The following CCAR1 variants were observed in gnomAD, a reference collection of about 807,000 sequenced individuals.
CCAR1 encodes cell division cycle and apoptosis regulator 1.
A neutral mutation model predicts 163.8 loss-of-function variants in CCAR1; 78 were observed. The observed-to-expected ratio is 0.48, with a 90% CI of 0.40 to 0.57. The LOEUF (loss-of-function observed/expected upper bound fraction) is 0.57. Ranked by LOEUF, CCAR1 falls within the 20% of genes least tolerant of loss-of-function variation. The probability of loss-of-function intolerance (pLI) is 0.00; values close to 1 mark genes in which losing one functional copy is unlikely to be tolerated. For synonymous variants in CCAR1, 443 were observed against 460.7 expected (o/e 0.96, Z 0.49); for missense variants, 1,019 against 1,365.2 (o/e 0.75, Z 4.00).
At chr10:68,723,853 G>A (rs369234887) in intron 2 of CCAR1, among the ~76,000 whole-genome samples, 40 of 143,208 alleles carry the variant, frequency 2.8e-4, no homozygotes, top group Non-Finnish European at 3.6e-4. Context: ...ATCTCAAAAA[G>A]AAAAAAAAAA....
chr10:68,775,687 CTTTTTTTTTTTT>C (rs71028782), intron 19 of CCAR1, among the ~76,000 whole-genome samples: 593 of 51,788 alleles, frequency 0.011, 10 homozygotes, highest in African/African-American at 0.047. Context: ...TTTTTCTTTT[CTTTTTTTTTTTT>C]TTTTTTTTTT....
At chr10:68,738,343 G>A (rs1285639968) in intron 4 of CCAR1, among the ~76,000 whole-genome samples, 7 of 152,060 alleles carry the variant, frequency 4.6e-5, no homozygotes, top group Non-Finnish European at 8.8e-5. Flanking sequence ...CAGGAGAATC[G>A]CTTGAACTCA....
At chr10:68,734,662 C>T (rs764512768) in intron 2 of CCAR1, among the ~76,000 whole-genome samples, 2 of 152,064 alleles carry the variant, frequency 1.3e-5, no homozygotes, top group Non-Finnish European at 2.9e-5. Context: ...AATTACTTAA[C>T]GCAGTTACGT....
chr10:68,741,272 C>A (rs2056180622), intron 5 of CCAR1, among the ~76,000 whole-genome samples: 1 of 152,020 alleles, frequency 6.6e-6, no homozygotes, highest in African/African-American at 2.4e-5. Context: ...TTTTTGTAGT[C>A]TTTTTCTTTT....
chr10:68,723,866 AG>A (rs1401375374), intron 2 of CCAR1, among the ~76,000 whole-genome samples: 22 of 126,838 alleles, frequency 1.7e-4, no homozygotes, highest in African/African-American at 5.6e-4. Flanking sequence ...AAAAAAAAAA[AG>A]GTAAATTTAG....
intron 16 of CCAR1, among the ~76,000 whole-genome samples, chr10:68,763,425 A>G (rs2056499079): frequency 6.6e-6 from 1 of 151,158 alleles, no homozygotes; most frequent in Admixed American, 6.6e-5. Context: ...CTGGTATTAC[A>G]GGCTGGTATT....
chr10:68,776,536 A>G (rs907512486), intron 19 of CCAR1, among the ~76,000 whole-genome samples: 15 of 152,304 alleles, frequency 9.8e-5, no homozygotes, highest in Non-Finnish European at 1.6e-4. Flanking sequence ...ATTGCACTCC[A>G]GCCTGGGCAG....
At chr10:68,755,624 AT>A (rs2056389843) in intron 13 of CCAR1, 88 bp downstream of exon 13, 2 of 1,156,404 alleles carry the variant, frequency 1.7e-6, no homozygotes, top group Non-Finnish European at 1.2e-6. Flanking sequence ...CCCCCGGCTT[AT>A]TTTAGCAACC....
chr10:68,786,436 AATATCT>A (rs1365489135), intron 20 of CCAR1, 104 bp from the exon 21 acceptor site: 1 of 807,268 alleles, frequency 1.2e-6, no homozygotes, highest in Non-Finnish European at 1.9e-6. Context: ...GGATGAGGCA[AATATCT>A]TATTAGATTA....
Position 68,749,282 on chromosome 10 carries a change from G to A in CCAR1, c.956+17G>A. 6.3e-7 allele frequency: 1 copy of A among 1,596,476 alleles called. No homozygotes were observed. Among genetic ancestry groups the A allele is most frequent in the Non-Finnish European group, 8.5e-7 (1 of 1,173,160 alleles). On this transcript the variant is annotated intron_variant, in intron 9 of 24. Transcript: ENST00000265872. The stretch of plus-strand genomic sequence containing the variant: ...TGATCGAAGGTATATTTTCTAAAGT[G>A]TACTGTGGATGGTGGCAATGGTTGT...
At chr10:68,740,572 A>G (rs1192063942) in intron 4 of CCAR1, 57 bp from the exon 5 acceptor site, 38 of 1,348,146 alleles carry the variant, frequency 2.8e-5, no homozygotes, top group Non-Finnish European at 3.9e-5. Flanking sequence ...TGAAGCATCT[A>G]TGAAGCAACA....
At chr10:68,737,493 G>T in intron 3 of CCAR1, among the ~76,000 whole-genome samples, 1 of 129,072 alleles carries the variant, frequency 7.7e-6, no homozygotes. Flanking sequence ...GCAAAACCCT[G>T]TGTCCAAAAA....
At chr10:68,725,000 TG>T (rs1311253594) in intron 2 of CCAR1, among the ~76,000 whole-genome samples, 1 of 151,946 alleles carries the variant, frequency 6.6e-6, no homozygotes, top group Non-Finnish European at 1.5e-5. Flanking sequence ...TAGCCTGGCG[TG>T]GTGGCACGTG....
rs2056600967 is a variant in CCAR1, at chr10:68,771,436, T to C, written c.2529T>C (p.Asp843=). ...ATAAAGATAAAAAAGAAGATAGAGA[T>C]GAAAGGAAGGTCTGTAATAACAACC... is the stretch of plus-strand genomic sequence containing the variant. ...GDDKDKKEDR[D]ERKKEDKRKD... is the part of the protein sequence containing the mutation. The change falls in exon 18 of 25, where the codon GAT becomes GAC. Residue 843 remains aspartate (D), a synonymous_variant. Transcript: ENST00000265872. 6.3e-7 allele frequency: 1 copy of C among 1,582,548 alleles called. No homozygotes were observed. The highest frequency in any genetic ancestry group is 8.6e-7 in the Non-Finnish European group (1 of 1,169,098).
chr10:68,729,786 A>G (rs1432236732), intron 2 of CCAR1, among the ~76,000 whole-genome samples: 2 of 151,766 alleles, frequency 1.3e-5, no homozygotes, highest in African/African-American at 4.8e-5. Context: ...TCTTTTTTAT[A>G]GTGGGGTCTT....
intron 6 of CCAR1, among the ~76,000 whole-genome samples, chr10:68,744,877 T>C (rs2056231614): frequency 6.6e-6 from 1 of 151,800 alleles, no homozygotes; most frequent in Admixed American, 6.6e-5. Context: ...TCTTGCTTTA[T>C]CACCCAGGCT....
chr10:68,783,895 C>T (rs973035245), intron 19 of CCAR1, among the ~76,000 whole-genome samples: 1 of 151,792 alleles, frequency 6.6e-6, no homozygotes, highest in African/African-American at 2.4e-5. Context: ...GTTGGGACTA[C>T]AGGCGGCCGC....
chr10:68,745,559 G>A (rs368179980), intron 6 of CCAR1, among the ~76,000 whole-genome samples: 2 of 151,142 alleles, frequency 1.3e-5, no homozygotes, highest in African/African-American at 2.4e-5. Context: ...TGCCTCCCGG[G>A]TTCAAACAAT....
intron 8 of CCAR1, among the ~76,000 whole-genome samples, chr10:68,748,679 A>G (rs933847973): frequency 2.0e-5 from 3 of 151,874 alleles, no homozygotes; most frequent in African/African-American, 7.3e-5. Flanking sequence ...TTGTAGAGAC[A>G]GGGTTTCACC....
Sources: allele counts gnomAD v4.1 joint callset (sites outside exome capture counted in the v4.1 genomes callset), GRCh38; gene constraint gnomAD v4.1.1; transcripts MANE v1.5; gene names NCBI Gene and HGNC (gene_info 2026-07-23, HGNC 2026-07-21).